Variants in ADGRB3 observed in about 807,000 individuals in gnomAD.
The protein encoded by ADGRB3 is brain-specific angiogenesis inhibitor 3.
Under a neutral mutation model 193.4 loss-of-function variants are expected in ADGRB3, and 37 were observed. That is an observed-to-expected ratio of 0.19 (90% CI 0.15 to 0.25). The LOEUF (loss-of-function observed/expected upper bound fraction) is 0.25. ADGRB3 is among the 10% of genes least tolerant of loss of function. The pLI is 1.00. For synonymous variants in ADGRB3, 690 were observed against 644.2 expected, an observed-to-expected ratio of 1.07 and a Z score of -1.08; for missense variants, 1,637 against 1,852.9, an observed-to-expected ratio of 0.88 and a Z score of 2.14.
intron 15 of ADGRB3, among the ~76,000 whole-genome samples, chr6:69,059,856 T>C (rs1330536979): frequency 6.6e-6 from 1 of 152,184 alleles, no homozygotes; most frequent in Admixed American, 6.6e-5. Flanking sequence ...ATCAACTTGT[T>C]AAAATTTTGA....
intron 3 of ADGRB3, among the ~76,000 whole-genome samples, chr6:68,722,768 T>C (rs558788393): frequency 3.3e-5 from 5 of 151,740 alleles, no homozygotes; most frequent in African/African-American, 7.2e-5. Context: ...AAGACCCAAA[T>C]AGAAATCAAC....
chr6:68,914,220 C>T (rs1239937210), intron 3 of ADGRB3, among the ~76,000 whole-genome samples: 1 of 150,394 alleles, frequency 6.6e-6, no homozygotes, highest in African/African-American at 2.4e-5. Context: ...TCGAGAAGAG[C>T]AACTCCAAGA....
At chr6:68,789,008 T>C (rs1158477839) in intron 3 of ADGRB3, among the ~76,000 whole-genome samples, 1 of 152,142 alleles carries the variant, frequency 6.6e-6, no homozygotes, top group African/African-American at 2.4e-5. Flanking sequence ...ATTTGCTTGG[T>C]AGATCTTCCT....
intron 17 of ADGRB3, among the ~76,000 whole-genome samples, chr6:69,145,000 T>A (rs1196051570): frequency 6.6e-6 from 1 of 152,074 alleles, no homozygotes; most frequent in East Asian, 1.9e-4. Context: ...TACCCTCACA[T>A]CCTACATTGT....
intron 26 of ADGRB3, among the ~76,000 whole-genome samples, chr6:69,350,334 G>T (rs1022091915): frequency 6.9e-6 from 1 of 145,938 alleles, no homozygotes; most frequent in East Asian, 2.0e-4. Flanking sequence ...CCATTAGATT[G>T]CCTTAAAGTC....
chr6:69,062,977 A>G lies in ADGRB3; in HGVS notation c.2377A>G (p.Arg793Gly). 1 of 1,612,392 alleles carries G rather than the reference A, an allele frequency of 6.2e-7. No homozygotes were observed. Among genetic ancestry groups the G allele is most frequent in the Non-Finnish European group, 8.5e-7 (1 of 1,178,908 alleles). The change falls in exon 16 of 32, where the codon AGG becomes GGG. Residue 793 changes from arginine to glycine, a missense_variant. Physicochemically the swap from Arg to Gly is moderately radical, Grantham distance 125. Transcript: ENST00000370598. ...TTCCAAAATCATCGTGGTCACAATA[A>G]GGCCTGAACCCAAAACAACCGATTC... ...INSKIIVVTI[R>G]PEPKTTDSFL...
At chr6:69,010,589 C>T (rs1769902299) in intron 11 of ADGRB3, among the ~76,000 whole-genome samples, 1 of 151,916 alleles carries the variant, frequency 6.6e-6, no homozygotes, top group African/African-American at 2.4e-5. Flanking sequence ...GCTATTATTA[C>T]TCTTGTATTA....
At chr6:68,684,909 G>A (rs1264329082) in intron 3 of ADGRB3, among the ~76,000 whole-genome samples, 1 of 151,782 alleles carries the variant, frequency 6.6e-6, no homozygotes, top group Non-Finnish European at 1.5e-5. Context: ...GGACAAACTC[G>A]GTGGGTAAAA....
chr6:69,218,318 C>T (rs1018958923), intron 17 of ADGRB3, among the ~76,000 whole-genome samples: 1 of 152,022 alleles, frequency 6.6e-6, no homozygotes, highest in South Asian at 2.1e-4. Context: ...TCTATAATGT[C>T]CCCCTCATAT....
intron 3 of ADGRB3, among the ~76,000 whole-genome samples, chr6:68,743,351 T>TGTGTG (rs57794730): frequency 6.7e-6 from 1 of 150,034 alleles, no homozygotes; most frequent in East Asian, 1.9e-4. Context: ...GTTTTTTTTT[T>TGTGTG]TGTGTGTGTG....
chr6:69,346,037 A>G (rs1561994328), intron 26 of ADGRB3, among the ~76,000 whole-genome samples: 1 of 152,140 alleles, frequency 6.6e-6, no homozygotes, highest in Non-Finnish European at 1.5e-5. Flanking sequence ...ACAACTTACA[A>G]GGGTTGTAAA....
intron 29 of ADGRB3, among the ~76,000 whole-genome samples, chr6:69,371,313 ACTAC>A (rs1421689449): frequency 6.6e-6 from 1 of 152,124 alleles, no homozygotes; most frequent in Non-Finnish European, 1.5e-5. Flanking sequence ...TTTTCAAGAA[ACTAC>A]ATTAGTGCTT....
At chr6:69,222,782 C>T (rs1480756790) in intron 17 of ADGRB3, among the ~76,000 whole-genome samples, 16 of 151,944 alleles carry the variant, frequency 1.1e-4, no homozygotes, top group East Asian at 9.6e-4. Context: ...TTTTATTGAA[C>T]GAGCTTTTTC....
In ADGRB3 at chr6:68,979,531, A is replaced by G. The variant is rs143558733; in HGVS notation, c.1734+4191A>G. Among the ~76,000 whole-genome samples, 1,388 of 151,698 alleles carry G rather than the reference A, an allele frequency of 9.1e-3. 29 individuals carry two copies. The highest frequency in any genetic ancestry group is 0.032 in the African/African-American group (1,322 of 41,524). On this transcript the variant is annotated intron_variant, in intron 10 of 31. Coordinates refer to ENST00000370598, the MANE Select transcript of ADGRB3 (RefSeq NM_001704.3). ...GACACAAATACACTTATCCAATTAA[A>G]TAAAATTGAGAATATGAGAACAAAG...
At chr6:69,013,111 G>A (rs145207960) in intron 11 of ADGRB3, among the ~76,000 whole-genome samples, 3 of 152,186 alleles carry the variant, frequency 2.0e-5, no homozygotes, top group African/African-American at 4.8e-5. Context: ...AGGCACGCTG[G>A]TTGTTCTCTC....
chr6:69,017,908 A>C (rs901875008), intron 12 of ADGRB3, among the ~76,000 whole-genome samples: 1 of 151,952 alleles, frequency 6.6e-6, no homozygotes, highest in Non-Finnish European at 1.5e-5. Context: ...AGTGGGCATT[A>C]TAATTATTAA....
At chr6:69,295,934 GTC>G in intron 20 of ADGRB3, among the ~76,000 whole-genome samples, 1 of 152,132 alleles carries the variant, frequency 6.6e-6, no homozygotes, top group Non-Finnish European at 1.5e-5. Context: ...ACTAGAATAT[GTC>G]TATGAATCAG....
intron 3 of ADGRB3, among the ~76,000 whole-genome samples, chr6:68,788,363 C>T (rs1237810182): frequency 6.6e-6 from 1 of 151,978 alleles, no homozygotes; most frequent in Admixed American, 6.6e-5. Context: ...TGTCTTTGTT[C>T]TCGTTGGTTT....
At chr6:68,983,963 T>C (rs1054873272) in intron 10 of ADGRB3, among the ~76,000 whole-genome samples, 30 of 152,126 alleles carry the variant, frequency 2.0e-4, no homozygotes, top group African/African-American at 6.5e-4. Flanking sequence ...TGTCAGGAAA[T>C]GACAGCACAT....
Sources: allele counts gnomAD v4.1 joint callset (sites outside exome capture counted in the v4.1 genomes callset), GRCh38; gene constraint gnomAD v4.1.1; transcripts MANE v1.5; gene names NCBI Gene and HGNC (gene_info 2026-07-23, HGNC 2026-07-21).